Variants in SH3BP5L observed in about 807,000 individuals in gnomAD.
SH3BP5L encodes the protein SH3 domain-binding protein 5-like.
Under a neutral mutation model 40.9 loss-of-function variants are expected in SH3BP5L, and 16 were observed. The observed-to-expected ratio is 0.39, with a 90% CI of 0.27 to 0.59. SH3BP5L has a LOEUF of 0.59. Among genes scored for constraint, SH3BP5L ranks in the 20% least tolerant of loss-of-function variants. The probability of loss-of-function intolerance (pLI) is 0.53; values close to 1 mark genes in which losing one functional copy is unlikely to be tolerated. For synonymous variants in SH3BP5L, 229 were observed against 226.7 expected (o/e 1.01, Z -0.09); for missense variants, 471 against 544.6 (o/e 0.86, Z 1.35).
chr1:248,825,039 GTT>G lies in SH3BP5L; in HGVS notation c.-106_-105del. Reference sequence around the variant, plus strand: ...TGGGCTCTAGATGGCCAGGAGAAGAGTTTCTCTTCTCAAAAGGCAGAAAAGGT... The same window carrying G: ...TGGGCTCTAGATGGCCAGGAGAAGAGTCTCTTCTCAAAAGGCAGAAAAGGT... On this transcript the variant is annotated 5_prime_UTR_variant, in exon 2 of 7. Coordinates refer to ENST00000366472, the MANE Select transcript of SH3BP5L (RefSeq NM_030645.3). The G allele has an allele frequency of 6.8e-7, 1 of 1,473,574 alleles. No individual in the cohort carries two copies. The highest frequency in any genetic ancestry group is 8.9e-7 in the Non-Finnish European group (1 of 1,118,728). 91.3% of individuals were successfully genotyped at this position (1,473,574 alleles called of 1,614,324 possible).
At position 248,825,053 on chromosome 1, in the gene SH3BP5L, A is replaced by G; in HGVS notation, c.-118T>C. The G allele has an allele frequency of 6.9e-7, 1 of 1,449,508 alleles. No individual in the cohort carries two copies. The highest frequency in any genetic ancestry group is 2.5e-5 in the East Asian group (1 of 40,760). The allele number at this position is 1,449,508 out of a possible 1,614,324, so 89.8% of individuals were successfully genotyped here. On this transcript the variant is annotated 5_prime_UTR_variant, in exon 2 of 7. Transcript: ENST00000366472. ...CCAGGAGAAGAGTTTCTCTTCTCAA[A>G]AGGCAGAAAAGGTGGGCACAGGAAG...
chr1:248,814,648 G>A, intron 4 of SH3BP5L, 38 bp from the exon 5 acceptor site: 1 of 1,612,038 alleles, frequency 6.2e-7, no homozygotes, highest in Non-Finnish European at 8.5e-7. Context: ...GAACCCTGAG[G>A]GACCCCAGCT....
chr1:248,813,092 T>C lies in SH3BP5L; in HGVS notation c.608A>G (p.Gln203Arg), dbSNP rs1343949548. ...CAGGGCTTGGACCCGAGCCTCAGCC[T>C]GTTGGCACAGCCGAGTCACTCGCTG... Reference protein sequence around the residue: ...EHQRVTRLCQQAEARVQALQK... With the variant: ...EHQRVTRLCQRAEARVQALQK... The change falls in exon 6 of 7, where the codon CAG becomes CGG. Residue 203 changes from glutamine to arginine, a missense_variant. By Grantham distance (43) the Gln-to-Arg change is conservative. Around this residue, in one of 2 missense-constraint regions of SH3BP5L, gnomAD observed 275 missense variants for 370.1 expected, o/e 0.74. Coordinates refer to ENST00000366472, the MANE Select transcript of SH3BP5L (RefSeq NM_030645.3). The C allele has an allele frequency of 1.2e-6, 2 of 1,611,740 alleles. No individual in the cohort carries two copies. Among genetic ancestry groups the C allele is most frequent in the East Asian group, 2.2e-5 (1 of 44,752 alleles).
In SH3BP5L at chr1:248,812,596, C is replaced by A. The variant is rs538587637; in HGVS notation, c.712-226G>T. On this transcript the variant is annotated intron_variant, in intron 6 of 6. Coordinates refer to ENST00000366472, the MANE Select transcript of SH3BP5L (RefSeq NM_030645.3). The surrounding 1 kb of genome is among the most constrained non-coding windows in gnomAD (Gnocchi z 6.1). ...CTCTGCGTTGTTCCTCCCCAGCAAT[C>A]CTGCTCCTGACCTGAGCCCCACCTT... Among the ~76,000 whole-genome samples, 3 of 151,130 alleles carry A rather than the reference C, an allele frequency of 2.0e-5. No individual in the cohort carries two copies. The highest frequency in any genetic ancestry group is 7.4e-5 in the African/African-American group (3 of 40,452).
chr1:248,816,988 G>A (rs1558228715), intron 2 of SH3BP5L, 104 bp from the exon 3 acceptor site: 1 of 1,591,958 alleles, frequency 6.3e-7, no homozygotes, highest in East Asian at 2.3e-5. Context: ...CACTTGCCCA[G>A]GGAAATGAGG....
chr1:248,817,021 A>C (rs1267283966), intron 2 of SH3BP5L, 137 bp from the exon 3 acceptor site: 2 of 1,554,618 alleles, frequency 1.3e-6, no homozygotes, highest in South Asian at 2.4e-5. Context: ...GAAAGGAAAG[A>C]AGATACGGAG....
At chr1:248,815,721 G>A (rs532164030) in intron 4 of SH3BP5L, among the ~76,000 whole-genome samples, 6 of 152,240 alleles carry the variant, frequency 3.9e-5, no homozygotes, top group African/African-American at 9.6e-5. Flanking sequence ...ATTAGAGGCC[G>A]CCCCTATAGC....
chr1:248,812,754 A>C lies in SH3BP5L; in HGVS notation c.711+235T>G, dbSNP rs1572178990. ...TCCACCAGTTCTTTTCCTCTTGTTT[A>C]CCTCCCTTCTTCCAACTACGTTCTC... On this transcript the variant is annotated intron_variant, in intron 6 of 6. Transcript: ENST00000366472. The surrounding 1 kb of genome is among the most constrained non-coding windows in gnomAD (Gnocchi z 6.1). Among the ~76,000 whole-genome samples, 2 of 149,472 alleles carry C rather than the reference A, an allele frequency of 1.3e-5. No homozygotes were observed. Among genetic ancestry groups the C allele is most frequent in the African/African-American group, 2.5e-5 (1 of 40,396 alleles).
In SH3BP5L at chr1:248,825,304, G is replaced by C; in HGVS notation, c.-369C>G. Reference sequence around the variant, plus strand: ...TGGAGGCAGGCGCCTCCAGGCTGTGGTGGCAGCTGGAGAGAGAAGGCTGGG... The same window carrying C: ...TGGAGGCAGGCGCCTCCAGGCTGTGCTGGCAGCTGGAGAGAGAAGGCTGGG... On this transcript the variant is annotated 5_prime_UTR_variant, in exon 2 of 7. Transcript: ENST00000366472. The C allele has an allele frequency of 9.8e-7, 1 of 1,019,902 alleles. No individual in the cohort carries two copies. The highest frequency in any genetic ancestry group is 1.2e-6 in the Non-Finnish European group (1 of 851,636). 63.2% of individuals were successfully genotyped at this position (1,019,902 alleles called of 1,614,324 possible).
At chr1:248,822,930 C>G (rs1206696927) in intron 2 of SH3BP5L, among the ~76,000 whole-genome samples, 2 of 152,196 alleles carry the variant, frequency 1.3e-5, no homozygotes, top group African/African-American at 4.8e-5. Flanking sequence ...TCCCAACATG[C>G]TGGGATTACA....
chr1:248,817,168 A>C, intron 2 of SH3BP5L: 2 of 751,110 alleles, frequency 2.7e-6, no homozygotes, highest in Non-Finnish European at 4.2e-6. Flanking sequence ...TGCAACACTA[A>C]TATGCACAAC....
rs1664349256 is a variant in SH3BP5L, at chr1:248,825,249, G to GC, written c.-315dup. ...AAGGGGGCTTGGATCCTGGACCGAG[G>GC]CCTGCTAGGAGGAGCACCATTCGGG... On this transcript the variant is annotated 5_prime_UTR_variant, in exon 2 of 7. The change creates a premature stop within an existing upstream ORF in the 5' untranslated region. Transcript: ENST00000366472. 14 of 1,096,902 alleles carry GC rather than the reference G, an allele frequency of 1.3e-5. No homozygotes were observed. Among genetic ancestry groups the GC allele is most frequent in the Non-Finnish European group, 1.4e-5 (13 of 899,568 alleles). 67.9% of individuals were successfully genotyped at this position (1,096,902 alleles called of 1,614,324 possible). A position where few individuals can be genotyped will look rare whatever the true frequency, so the allele number is the denominator to read the frequency against.
chr1:248,812,435 C>A lies in SH3BP5L; in HGVS notation c.712-65G>T. 1.6e-6 allele frequency: 2 copies of A among 1,290,298 alleles called. No homozygotes were observed. Among genetic ancestry groups the A allele is most frequent in the South Asian group, 1.2e-5 (1 of 81,148 alleles). 79.9% of individuals were successfully genotyped at this position (1,290,298 alleles called of 1,614,324 possible). A position where few individuals can be genotyped will look rare whatever the true frequency, so the allele number is the denominator to read the frequency against. On this transcript the variant is annotated intron_variant, in intron 6 of 6. Coordinates refer to ENST00000366472, the MANE Select transcript of SH3BP5L (RefSeq NM_030645.3). The surrounding 1 kb of genome is among the most constrained non-coding windows in gnomAD (Gnocchi z 6.1). ...CGTCTCCACCTTCCTCAGCACTCTGCACTGAGGTCTGAGGGCCTGCTCTCC... is the reference window on the plus strand; with the variant it reads ...CGTCTCCACCTTCCTCAGCACTCTGAACTGAGGTCTGAGGGCCTGCTCTCC...
At chr1:248,820,642 C>G (rs1254858863) in intron 2 of SH3BP5L, 1 of 152,214 alleles carries the variant, frequency 6.6e-6, no homozygotes, top group Non-Finnish European at 1.5e-5. Context: ...GGAATGAGGA[C>G]ACCACTGGAA....
In SH3BP5L at chr1:248,819,833, A is replaced by C. The variant is rs73150588; in HGVS notation, c.184-2949T>G. Among the ~76,000 whole-genome samples the C allele has an allele frequency of 8.1e-3, 1,237 of 152,308 alleles. 20 individuals carry two copies. The highest frequency in any genetic ancestry group is 0.028 in the African/African-American group (1,175 of 41,570). ...TGCGGCCCACAGGCCACGGGTTGGA[A>C]AAGCTTGCTCTAAATTTTCTCGAAG... On this transcript the variant is annotated intron_variant, in intron 2 of 6. Transcript: ENST00000366472.
rs1266946985 is a variant in SH3BP5L, at chr1:248,814,548, A to G, written c.438T>C (p.Ala146=). 3 of 1,614,230 alleles carry G rather than the reference A, an allele frequency of 1.9e-6. No homozygotes were observed. Among genetic ancestry groups the G allele is most frequent in the Non-Finnish European group, 1.7e-6 (2 of 1,180,048 alleles). The change falls in exon 5 of 7, where the codon GCT becomes GCC. Residue 146 remains alanine (A), a synonymous_variant. Coordinates refer to ENST00000366472, the MANE Select transcript of SH3BP5L (RefSeq NM_030645.3). ...RYERAVSMHN[A]AREMVFVAEQ... ...CAGCCACAAACACCATTTCTCGAGC[A>G]GCGTTGTGCATGCTTACGGCCCGCT...
rs909265146 is a variant in SH3BP5L at position 248,812,588 on chromosome 1, C to T, written c.712-218G>A. Among the ~76,000 whole-genome samples, 8 of 151,722 alleles carry T rather than the reference C, an allele frequency of 5.3e-5. No individual in the cohort carries two copies. Among genetic ancestry groups the T allele is most frequent in the Middle Eastern group, 3.4e-3 (1 of 294 alleles). On this transcript the variant is annotated intron_variant, in intron 6 of 6. Transcript: ENST00000366472. This position sits in a 1 kb window ranked among gnomAD's most constrained non-coding sequence, Gnocchi z 6.1. Reference sequence around the variant, plus strand: ...TCCACTTGCTCTGCGTTGTTCCTCCCCAGCAATCCTGCTCCTGACCTGAGC... The same window carrying T: ...TCCACTTGCTCTGCGTTGTTCCTCCTCAGCAATCCTGCTCCTGACCTGAGC...
chr1:248,822,276 C>T (rs1664271193), intron 2 of SH3BP5L, among the ~76,000 whole-genome samples: 1 of 152,180 alleles, frequency 6.6e-6, no homozygotes, highest in Non-Finnish European at 1.5e-5. Flanking sequence ...AAAGCCCAAG[C>T]ACAGAAGGGC....
intron 2 of SH3BP5L, among the ~76,000 whole-genome samples, chr1:248,823,107 T>C (rs1397291151): frequency 6.6e-6 from 1 of 152,178 alleles, no homozygotes; most frequent in Non-Finnish European, 1.5e-5. Context: ...GAAAAATACA[T>C]AGGAGTAGTA....
Sources: allele counts gnomAD v4.1 joint callset (sites outside exome capture counted in the v4.1 genomes callset), GRCh38; gene constraint gnomAD v4.1.1; regional missense constraint gnomAD v4.1.1; non-coding constraint Gnocchi (gnomAD v3.1); transcripts MANE v1.5; gene names NCBI Gene and HGNC (gene_info 2026-07-23, HGNC 2026-07-21).